The following NAV1 variants were observed in gnomAD, a reference collection of about 807,000 sequenced individuals.
The protein encoded by NAV1 is pore membrane and/or filament interacting like protein 3.
Under a neutral mutation model 175.2 loss-of-function variants are expected in NAV1, and 18 were observed. The ratio of observed to expected loss-of-function variants is 0.10; its 90% CI spans 0.07 to 0.15. The LOEUF is 0.15. Among genes scored for constraint, NAV1 ranks in the 10% least tolerant of loss-of-function variants. NAV1 has a pLI of 1.00. For missense variants in NAV1, 1,731 were observed against 2,436.6 expected (o/e 0.71, Z 6.10); for synonymous variants, 897 against 978.7 (o/e 0.92, Z 1.56).
chr1:201,581,912 C>T lies in NAV1; in HGVS notation c.-143-6627C>T, dbSNP rs201519296. Among the ~76,000 whole-genome samples, 17 of 152,098 alleles carry T rather than the reference C, an allele frequency of 1.1e-4. No homozygotes were observed. In the East Asian group the frequency reaches 2.9e-3, roughly 26 times the overall value. ...ACCAGAAACACCATCCTGGCTAACA[C>T]GGTGAAACCCCGTCTCTACTAAAAA... On this transcript the variant is annotated intron_variant, in intron 1 of 33. Transcript: ENST00000685211.
exon 8 of NAV1, chr1:201,785,331 T>C: frequency 1.9e-6 from 3 of 1,608,782 alleles, no homozygotes; most frequent in Non-Finnish European, 1.7e-6. Context: ...ATCGGAACAC[T>C]CTTCCCAAGA....
At chr1:201,632,484 G>C (rs1258977302) in intron 2 of NAV1, among the ~76,000 whole-genome samples, 1 of 152,262 alleles carries the variant, frequency 6.6e-6, no homozygotes, top group Non-Finnish European at 1.5e-5. Flanking sequence ...GCACTGGGTA[G>C]TGTATAGACC....
At chr1:201,650,188 AC>A (rs1374414931) in intron 1 of NAV1, among the ~76,000 whole-genome samples, 1 of 152,216 alleles carries the variant, frequency 6.6e-6, no homozygotes. Context: ...GAAGGGAGGA[AC>A]AAAGCTTGCT....
chr1:201,691,288 T>C (rs142699548), intron 1 of NAV1, among the ~76,000 whole-genome samples: 41 of 152,298 alleles, frequency 2.7e-4, no homozygotes, highest in African/African-American at 8.7e-4. Context: ...ACCACTATAA[T>C]AGAGGCACCG....
chr1:201,623,255 A>C (rs1347040245), exon 1 of NAV1: 1 of 985,968 alleles, frequency 1.0e-6, no homozygotes, highest in Non-Finnish European at 1.2e-6. Context: ...GGCGAGAGAC[A>C]AGGCACCCAG....
chr1:201,640,400 G>A (rs986909070), intron 2 of NAV1, among the ~76,000 whole-genome samples: 1 of 152,224 alleles, frequency 6.6e-6, no homozygotes, highest in Admixed American at 6.5e-5. Flanking sequence ...GGACCACTGT[G>A]TCTAGTGTCT....
At chr1:201,804,446 T>C in intron 16 of NAV1, 43 bp from the exon 21 acceptor site, 1 of 1,539,604 alleles carries the variant, frequency 6.5e-7, no homozygotes, top group Admixed American at 2.0e-5. Context: ...TTCTTTTTTT[T>C]TTTCCTTCAA....
chr1:201,752,866 G>A (rs1674212996), intron 3 of NAV1, among the ~76,000 whole-genome samples: 1 of 152,138 alleles, frequency 6.6e-6, no homozygotes, highest in South Asian at 2.1e-4. Context: ...CCTCACAGTG[G>A]TAACTTGCAA....
intron 3 of NAV1, among the ~76,000 whole-genome samples, chr1:201,745,355 G>A (rs2102574010): frequency 6.6e-6 from 1 of 152,298 alleles, no homozygotes; most frequent in Non-Finnish European, 1.5e-5. Context: ...GACTTACAAA[G>A]GATATATAGC....
exon 1 of NAV1, chr1:201,648,804 C>G: frequency 6.4e-7 from 1 of 1,550,952 alleles, no homozygotes; most frequent in South Asian, 1.2e-5. Flanking sequence ...GCTGCCCAAG[C>G]GCGCCAAGGC....
intron 1 of NAV1, among the ~76,000 whole-genome samples, chr1:201,546,679 T>A (rs1665681812): frequency 6.6e-6 from 1 of 151,888 alleles, no homozygotes; most frequent in Admixed American, 6.6e-5. Context: ...CCAAGGTGGG[T>A]GGGTCACGAG....
intron 2 of NAV1, among the ~76,000 whole-genome samples, chr1:201,713,920 A>G (rs970149117): frequency 6.6e-6 from 1 of 152,190 alleles, no homozygotes. Context: ...CATACCACCA[A>G]TGACAAAGAA....
chr1:201,711,790 A>T (rs957378148), intron 1 of NAV1, among the ~76,000 whole-genome samples: 3 of 152,224 alleles, frequency 2.0e-5, no homozygotes, highest in African/African-American at 7.2e-5. Context: ...TCTCTTCATT[A>T]TACTGTCCTT....
intron 2 of NAV1, among the ~76,000 whole-genome samples, chr1:201,716,577 G>T (rs1295485511): frequency 6.6e-6 from 1 of 152,168 alleles, no homozygotes; most frequent in Non-Finnish European, 1.5e-5. Context: ...ACACAAAGGG[G>T]TTCCTAAAGG....
At chr1:201,794,548 C>T (rs761202074) in exon 15 of NAV1, 1 of 1,613,882 alleles carries the variant, frequency 6.2e-7, no homozygotes, top group Non-Finnish European at 8.5e-7. Flanking sequence ...ATTCAGGGAG[C>T]CCTTAATGCC....
intron 1 of NAV1, among the ~76,000 whole-genome samples, chr1:201,625,078 G>A (rs1236573463): frequency 6.6e-6 from 1 of 152,182 alleles, no homozygotes; most frequent in East Asian, 1.9e-4. Context: ...CATTTAGACT[G>A]TTACATTCAG....
chr1:201,691,250 C>T (rs1312755588), intron 1 of NAV1, among the ~76,000 whole-genome samples: 2 of 152,176 alleles, frequency 1.3e-5, no homozygotes, highest in Non-Finnish European at 2.9e-5. Flanking sequence ...CACCAAATGT[C>T]CCCTGAGGGG....
intron 11 of NAV1, 121 bp from the exon 16 acceptor site, chr1:201,790,433 C>T: frequency 8.9e-7 from 1 of 1,122,900 alleles, no homozygotes; most frequent in Non-Finnish European, 1.3e-6. Flanking sequence ...TTCAGCCTCT[C>T]TGCACCTCTG....
At chr1:201,560,132 T>TC (rs1666154840) in intron 1 of NAV1, among the ~76,000 whole-genome samples, 1 of 152,184 alleles carries the variant, frequency 6.6e-6, no homozygotes, top group South Asian at 2.1e-4. Flanking sequence ...CAAAAAACTC[T>TC]CCTATTCTTG....
Sources: allele counts gnomAD v4.1 joint callset (sites outside exome capture counted in the v4.1 genomes callset), GRCh38; gene constraint gnomAD v4.1.1; transcripts MANE v1.5; gene names NCBI Gene and HGNC (gene_info 2026-07-23, HGNC 2026-07-21).